The following DLGAP4 variants were observed in gnomAD, a reference collection of about 807,000 sequenced individuals.
The protein encoded by DLGAP4 is disks large-associated protein 4.
A neutral mutation model predicts 86.9 loss-of-function variants in DLGAP4; 18 were observed. The ratio of observed to expected loss-of-function variants is 0.21; its 90% CI spans 0.14 to 0.31. The LOEUF is 0.31. Among genes scored for constraint, DLGAP4 ranks in the 10% least tolerant of loss-of-function variants. DLGAP4 has a pLI of 1.00. For missense variants in DLGAP4, 1,085 were observed against 1,362.6 expected, an observed-to-expected ratio of 0.80 and a Z score of 3.21; for synonymous variants, 548 against 574.3, an observed-to-expected ratio of 0.95 and a Z score of 0.65.
chr20:36,515,010 T>C (rs914709895), intron 10 of DLGAP4, among the ~76,000 whole-genome samples: 5 of 152,080 alleles, frequency 3.3e-5, no homozygotes, highest in Non-Finnish European at 7.4e-5. Context: ...GATTTGAAAC[T>C]GGCATCCAGG....
chr20:36,348,811 T>C (rs1555893222), intron 1 of DLGAP4, among the ~76,000 whole-genome samples: 1 of 151,026 alleles, frequency 6.6e-6, no homozygotes, highest in Non-Finnish European at 1.5e-5. Context: ...GAATAAAGAG[T>C]GATATGGGGC....
chr20:36,335,033 GA>G (rs1416702479), intron 1 of DLGAP4, among the ~76,000 whole-genome samples: 1 of 152,162 alleles, frequency 6.6e-6, no homozygotes, highest in Non-Finnish European at 1.5e-5. Flanking sequence ...TTAATGGTTT[GA>G]AAAGGCCTTT....
At chr20:36,451,223 C>G (rs1365390770) in intron 7 of DLGAP4, among the ~76,000 whole-genome samples, 1 of 152,190 alleles carries the variant, frequency 6.6e-6, no homozygotes, top group East Asian at 1.9e-4. Context: ...AAAAGCCATA[C>G]CCATAATTGT....
intron 1 of DLGAP4, among the ~76,000 whole-genome samples, chr20:36,320,725 G>C (rs907755999): frequency 8.5e-5 from 13 of 152,274 alleles, no homozygotes; most frequent in Non-Finnish European, 1.5e-4. Context: ...TGGGACCTCT[G>C]GGGGCTGCTG....
intron 2 of DLGAP4, among the ~76,000 whole-genome samples, chr20:36,398,098 G>T (rs2032052433): frequency 6.6e-6 from 1 of 152,186 alleles, no homozygotes; most frequent in Non-Finnish European, 1.5e-5. Context: ...TCCAGCCTGG[G>T]CGACAAAAAA....
chr20:36,449,921 A>T (rs193258055), intron 7 of DLGAP4, among the ~76,000 whole-genome samples: 1 of 152,334 alleles, frequency 6.6e-6, no homozygotes, highest in Admixed American at 6.5e-5. Context: ...GTTCTGCTCC[A>T]CATGTCTTTC....
At chr20:36,397,898 G>C (rs1250024510) in intron 2 of DLGAP4, among the ~76,000 whole-genome samples, 1 of 152,170 alleles carries the variant, frequency 6.6e-6, no homozygotes, top group African/African-American at 2.4e-5. Flanking sequence ...GAGGTGGGTG[G>C]ATCACCTGAG....
chr20:36,499,330 A>G (rs1460990953), intron 8 of DLGAP4: 9 of 1,612,676 alleles, frequency 5.6e-6, no homozygotes, highest in Non-Finnish European at 7.6e-6. Context: ...GAGTAGGGAA[A>G]GCCAGTCATC....
chr20:36,439,178 T>C (rs1484148007), intron 4 of DLGAP4, among the ~76,000 whole-genome samples: 1 of 152,184 alleles, frequency 6.6e-6, no homozygotes, highest in Non-Finnish European at 1.5e-5. Flanking sequence ...CACCACTGAA[T>C]CCTCACTGCA....
intron 2 of DLGAP4, among the ~76,000 whole-genome samples, chr20:36,388,757 G>A (rs1220893096): frequency 2.0e-5 from 3 of 152,184 alleles, no homozygotes; most frequent in African/African-American, 7.2e-5. Context: ...TAAGGCCTGA[G>A]CCTGGTGCAG....
At chr20:36,417,248 T>G (rs1469396363) in intron 2 of DLGAP4, among the ~76,000 whole-genome samples, 2 of 151,756 alleles carry the variant, frequency 1.3e-5, no homozygotes, top group African/African-American at 4.8e-5. Context: ...TGTTGAGGGG[T>G]GGATGGAACA....
intron 7 of DLGAP4, chr20:36,461,582 G>A (rs2034053197): frequency 5.2e-6 from 5 of 956,562 alleles, no homozygotes; most frequent in Admixed American, 6.4e-5. Context: ...CGTCGCTGCC[G>A]CCTCCTCAGC....
At chr20:36,447,897 G>A in intron 7 of DLGAP4, among the ~76,000 whole-genome samples, 1 of 115,572 alleles carries the variant, frequency 8.7e-6, no homozygotes, top group African/African-American at 3.0e-5. Flanking sequence ...GCCTATCAGG[G>A]GGGTGGGGGG....
chr20:36,399,876 G>A (rs1315595464), intron 2 of DLGAP4, among the ~76,000 whole-genome samples: 1 of 152,164 alleles, frequency 6.6e-6, no homozygotes, highest in Non-Finnish European at 1.5e-5. Flanking sequence ...GCTCTCAAGG[G>A]CACAGCAGCG....
intron 1 of DLGAP4, among the ~76,000 whole-genome samples, chr20:36,341,601 G>A (rs1569463258): frequency 1.3e-5 from 2 of 152,362 alleles, no homozygotes; most frequent in Non-Finnish European, 2.9e-5. Flanking sequence ...GGGGCCACAG[G>A]CCTTGCTGAA....
At chr20:36,391,351 G>A (rs1027837430) in intron 2 of DLGAP4, among the ~76,000 whole-genome samples, 3 of 152,166 alleles carry the variant, frequency 2.0e-5, no homozygotes, top group Non-Finnish European at 4.4e-5. Flanking sequence ...TGCGATCTGT[G>A]GTGAGGGCTG....
intron 7 of DLGAP4, among the ~76,000 whole-genome samples, chr20:36,475,158 G>C (rs552378698): frequency 6.6e-6 from 1 of 152,022 alleles, no homozygotes; most frequent in Admixed American, 6.6e-5. Flanking sequence ...TGGGGGTCTC[G>C]GTGAACCTAA....
chr20:36,358,869 GC>G (rs2030424136), intron 1 of DLGAP4, among the ~76,000 whole-genome samples: 1 of 152,160 alleles, frequency 6.6e-6, no homozygotes, highest in Admixed American at 6.5e-5. Context: ...GTTTATAAAA[GC>G]AGGAACCAGG....
At chr20:36,441,747 G>C (rs545066745) in intron 5 of DLGAP4, among the ~76,000 whole-genome samples, 258 of 151,578 alleles carry the variant, frequency 1.7e-3, no homozygotes, top group Non-Finnish European at 3.1e-3. Flanking sequence ...CTCTCTCTCT[G>C]TTCTCTCTCC....
Sources: allele counts gnomAD v4.1 joint callset (sites outside exome capture counted in the v4.1 genomes callset), GRCh38; gene constraint gnomAD v4.1.1; transcripts MANE v1.5; gene names NCBI Gene and HGNC (gene_info 2026-07-23, HGNC 2026-07-21).